Variants in ZNF595 observed in about 807,000 individuals in gnomAD.
ZNF595 encodes the protein zinc finger protein 595.
A neutral mutation model predicts 19.4 loss-of-function variants in ZNF595; 9 were observed. The observed-to-expected ratio is 0.46, with a 90% CI of 0.28 to 0.81. The LOEUF (loss-of-function observed/expected upper bound fraction) is 0.81, where lower values mean the gene tolerates loss of function less well. Among genes scored for constraint, ZNF595 ranks in the 30% least tolerant of loss-of-function variants. ZNF595 has a pLI of 0.11. For synonymous variants in ZNF595, 255 were observed against 255.9 expected, an observed-to-expected ratio of 1.00 and a Z score of 0.03; for missense variants, 729 against 736.0, an observed-to-expected ratio of 0.99 and a Z score of 0.11.
Position 87,527 on chromosome 4 carries a change from CTT to C in ZNF595, c.*77_*78del, listed in dbSNP as rs1373544983. On this transcript the variant is annotated 3_prime_UTR_variant, in exon 4 of 4. Coordinates refer to ENST00000610261, the MANE Select transcript of ZNF595 (RefSeq NM_182524.4). ...TTGGAGAATATTGCTCCCATATAAACTTGTATTATTTTTCTTATTTTAAATTT... is the reference window on the plus strand; with the variant it reads ...TTGGAGAATATTGCTCCCATATAAACGTATTATTTTTCTTATTTTAAATTT... 28 of 1,303,126 alleles carry C rather than the reference CTT, an allele frequency of 2.1e-5. No homozygotes were observed. The highest frequency in any genetic ancestry group is 2.6e-5 in the Non-Finnish European group (26 of 991,990). 80.7% of individuals were successfully genotyped at this position (1,303,126 alleles called of 1,614,324 possible).
chr4:71,178 T>C (rs1334320256), intron 3 of ZNF595, among the ~76,000 whole-genome samples: 1 of 152,216 alleles, frequency 6.6e-6, no homozygotes, highest in East Asian at 1.9e-4. Context: ...ACTACTAATT[T>C]TTAAATGCTA....
At chr4:78,771 T>C (rs1187324478) in intron 3 of ZNF595, among the ~76,000 whole-genome samples, 1 of 152,220 alleles carries the variant, frequency 6.6e-6, no homozygotes, top group African/African-American at 2.4e-5. Context: ...CAAGCTGGAG[T>C]GCAGTGGTGC....
rs369231604 is a variant in ZNF595, at chr4:86,806, C to G, written c.1302C>G (p.Asn434Lys). 1.9e-5 allele frequency: 31 copies of G among 1,612,930 alleles called. No homozygotes were observed. Among genetic ancestry groups the G allele is most frequent in the Non-Finnish European group, 2.1e-5 (25 of 1,179,718 alleles). The change falls in exon 4 of 4, where the codon AAC (asparagine) becomes AAG (lysine). Residue 434 changes from asparagine (N) to lysine (K), a missense_variant. This residue lies in a region of ZNF595 where 729 missense variants were observed against 675.3 expected (regional missense o/e 1.08). Transcript: ENST00000610261. ...YTCEECGKAF[N>K]QSSTLILHKR... Reference sequence around the variant, plus strand: ...GCGAAGAATGTGGCAAAGCTTTTAACCAATCCTCAACTCTTATATTACACA... The same window carrying G: ...GCGAAGAATGTGGCAAAGCTTTTAAGCAATCCTCAACTCTTATATTACACA...
chr4:77,277 G>C (rs13147163), intron 3 of ZNF595, among the ~76,000 whole-genome samples: 14,634 of 150,020 alleles, frequency 0.098, 762 homozygotes, highest in South Asian at 0.17. Context: ...TATCCATTTG[G>C]TTCTCTTTCT....
chr4:83,985 T>G (rs149227367), intron 3 of ZNF595, among the ~76,000 whole-genome samples: 3 of 152,262 alleles, frequency 2.0e-5, no homozygotes, highest in African/African-American at 7.2e-5. Context: ...TTTTTACTTA[T>G]TTTTTCATGT....
intron 3 of ZNF595, among the ~76,000 whole-genome samples, chr4:83,000 T>G (rs1553800326): frequency 6.6e-6 from 1 of 152,162 alleles, no homozygotes; most frequent in African/African-American, 2.4e-5. Flanking sequence ...CTCTATGTCT[T>G]GCTTTACTTC....
chr4:76,457 C>G (rs1310117452), intron 3 of ZNF595, among the ~76,000 whole-genome samples: 1 of 151,944 alleles, frequency 6.6e-6, no homozygotes. Flanking sequence ...AACTTTTATA[C>G]CAGAGTTAAA....
chr4:86,280 A>C lies in ZNF595; in HGVS notation c.776A>C (p.Glu259Ala), dbSNP rs1714166468. ...ACTGGAGAGAAACCCTACAAATGTG[A>C]AGAATGTGGCAAAGCCTTTACAAGG... ...IHTGEKPYKC[E>A]ECGKAFTRST... The change falls in exon 4 of 4, where the codon GAA becomes GCA. Residue 259 changes from glutamate to alanine, a missense_variant. Physicochemically the swap from Glu to Ala is moderately radical, Grantham distance 107 (BLOSUM62 -1). Around this residue, in one of 2 missense-constraint regions of ZNF595, gnomAD observed 729 missense variants for 675.3 expected, o/e 1.08. Coordinates refer to ENST00000610261, the MANE Select transcript of ZNF595 (RefSeq NM_182524.4). The C allele has an allele frequency of 1.2e-6, 2 of 1,611,772 alleles. No homozygotes were observed. Among genetic ancestry groups the C allele is most frequent in the African/African-American group, 2.7e-5 (2 of 74,904 alleles).
rs367651815 is a variant in ZNF595, at chr4:78,669, A to C, written c.227-7062A>C. Among the ~76,000 whole-genome samples, 6 of 152,182 alleles carry C rather than the reference A, an allele frequency of 3.9e-5. No homozygotes were observed. The East Asian group carries it at 9.6e-4, about 24-fold the overall frequency. ...AATGAAACCTTTTTAGGTAGATGTA[A>C]ATATCTAATTGTGATTAAAAACTTA... On this transcript the variant is annotated intron_variant, in intron 3 of 3. Transcript: ENST00000610261.
At chr4:76,507 A>G (rs1165133110) in intron 3 of ZNF595, among the ~76,000 whole-genome samples, 1 of 152,106 alleles carries the variant, frequency 6.6e-6, no homozygotes, top group Non-Finnish European at 1.5e-5. Context: ...ATAGCCTTCT[A>G]TATTTGACTA....
intron 3 of ZNF595, among the ~76,000 whole-genome samples, chr4:69,551 T>A (rs1713342434): frequency 6.6e-6 from 1 of 152,168 alleles, no homozygotes; most frequent in South Asian, 2.1e-4. Context: ...TTTTGAGAAA[T>A]GTCTATAAAC....
chr4:83,707 C>A (rs1306503119), intron 3 of ZNF595, among the ~76,000 whole-genome samples: 1 of 149,468 alleles, frequency 6.7e-6, no homozygotes, highest in Non-Finnish European at 1.5e-5. Flanking sequence ...AATTTATTTG[C>A]ATGTATTTCC....
intron 3 of ZNF595, among the ~76,000 whole-genome samples, chr4:80,271 G>A (rs373929204): frequency 4.0e-4 from 61 of 152,214 alleles, no homozygotes; most frequent in African/African-American, 1.1e-3. Flanking sequence ...CACCCGCCTC[G>A]GCCTCCCAAA....
At chr4:85,314 A>G (rs1266508344) in intron 3 of ZNF595, among the ~76,000 whole-genome samples, 6 of 152,172 alleles carry the variant, frequency 3.9e-5, no homozygotes, top group Admixed American at 3.9e-4. Flanking sequence ...GTTGTTGGAG[A>G]CAGAAACCAG....
intron 3 of ZNF595, among the ~76,000 whole-genome samples, chr4:85,266 T>A (rs1714083896): frequency 6.6e-6 from 1 of 152,248 alleles, no homozygotes; most frequent in Admixed American, 6.5e-5. Flanking sequence ...CCCAAGCTGT[T>A]CTTCCAAAGT....
chr4:81,600 A>G (rs531283328), intron 3 of ZNF595, among the ~76,000 whole-genome samples: 7 of 152,206 alleles, frequency 4.6e-5, no homozygotes, highest in East Asian at 1.9e-4. Flanking sequence ...CAGCTTAGTC[A>G]TATTAATTAT....
chr4:70,690 G>C (rs528117998), intron 3 of ZNF595, among the ~76,000 whole-genome samples: 1 of 152,030 alleles, frequency 6.6e-6, no homozygotes, highest in Non-Finnish European at 1.5e-5. Context: ...TAGATGTATG[G>C]GTTTATATCT....
In ZNF595 at chr4:86,923, T is replaced by C; in HGVS notation, c.1419T>C (p.Ile473=). The change falls in exon 4 of 4, where the codon ATT becomes ATC. Residue 473 remains isoleucine (I), a synonymous_variant. Transcript: ENST00000610261. ...RSTTLNEHKK[I]HTGEKPYKCE... Reference sequence around the variant, plus strand: ...CAACACTGAACGAACATAAGAAAATTCATACTGGCGAGAAACCCTACAAAT... The same window carrying C: ...CAACACTGAACGAACATAAGAAAATCCATACTGGCGAGAAACCCTACAAAT... The C allele has an allele frequency of 6.2e-7, 1 of 1,610,634 alleles. No homozygotes were observed. The highest frequency in any genetic ancestry group is 8.5e-7 in the Non-Finnish European group (1 of 1,178,090).
chr4:54,811 G>A (rs1253479443), intron 1 of ZNF595, among the ~76,000 whole-genome samples: 1 of 152,204 alleles, frequency 6.6e-6, no homozygotes, highest in Non-Finnish European at 1.5e-5. Flanking sequence ...CATGGAATCA[G>A]AGCGTAGCCC....
Sources: gnomAD v4.1 joint callset for allele counts (sites outside exome capture counted in the v4.1 genomes callset) on GRCh38, gnomAD v4.1.1 for gene constraint, gnomAD v4.1.1 regional missense constraint, MANE v1.5 for transcripts, NCBI Gene and HGNC (gene_info 2026-07-23, HGNC 2026-07-21) for gene names.